The following GREB1 variants were observed in gnomAD, a reference collection of about 807,000 sequenced individuals.
GREB1 encodes the protein growth regulating estrogen receptor binding 1.
A neutral mutation model predicts 200.7 loss-of-function variants in GREB1; 106 were observed. That is an observed-to-expected ratio of 0.53 (90% CI 0.45 to 0.62). GREB1 has a LOEUF of 0.62. Among genes scored for constraint, GREB1 ranks in the 20% least tolerant of loss-of-function variants. GREB1 has a pLI of 0.00. For synonymous variants in GREB1, 1,132 were observed against 1,092.4 expected (o/e 1.04, Z -0.72); for missense variants, 2,243 against 2,556.8 (o/e 0.88, Z 2.65).
At chr2:11,525,672 G>T (rs1673849069) in intron 1 of GREB1, among the ~76,000 whole-genome samples, 1 of 152,114 alleles carries the variant, frequency 6.6e-6, no homozygotes, top group Non-Finnish European at 1.5e-5. Flanking sequence ...TAACTGCAGG[G>T]TGTAAGACAC....
chr2:11,591,314 G>A, intron 10 of GREB1: 1 of 718,740 alleles, frequency 1.4e-6, no homozygotes, highest in East Asian at 2.6e-5. Context: ...ATGGGAGATA[G>A]CTCAGGGCCG....
At chr2:11,488,791 C>A (rs1429436859) in intron 1 of GREB1, among the ~76,000 whole-genome samples, 61 of 82,706 alleles carry the variant, frequency 7.4e-4, no homozygotes, top group African/African-American at 2.5e-3. Flanking sequence ...AACTCCGTCT[C>A]AAAAAAAAAA....
At chr2:11,545,320 A>G (rs1675164164) in intron 1 of GREB1, among the ~76,000 whole-genome samples, 1 of 148,500 alleles carries the variant, frequency 6.7e-6, no homozygotes, top group African/African-American at 2.5e-5. Flanking sequence ...TTTAGCAGAG[A>G]CGGGTTGCAT....
rs754739294 is a variant in GREB1, at chr2:11,595,347, C to T, written c.1793C>T (p.Ser598Leu). ...NYELVTGKVDSLGAFFSTLCP... is the reference protein window; with the variant it reads ...NYELVTGKVDLLGAFFSTLCP... ...GAGCTGGTTACGGGGAAGGTAGACT[C>T]GCTGGGGGCCTTCTTTAGCACCCTC... Residue 598 changes from serine (S) to leucine (L), a missense_variant, in exon 12 of 33, where the codon TCG (serine) becomes TTG (leucine). This residue lies in a region of GREB1 where 1,178 missense variants were observed against 1,387.4 expected (regional missense o/e 0.85). Coordinates refer to ENST00000381486, the MANE Select transcript of GREB1 (RefSeq NM_014668.4). The T allele has an allele frequency of 9.3e-6, 15 of 1,613,734 alleles. No individual in the cohort carries two copies. Among genetic ancestry groups the T allele is most frequent in the Middle Eastern group, 1.6e-4 (1 of 6,076 alleles).
In GREB1 at chr2:11,633,133, A is replaced by G. The variant is rs565571435; in HGVS notation, c.4991+70A>G. ...TGACCAACGAGTGTGCCCTCTTTGTATGGGGAATGTGCCCACCCCTGGAAG... is the reference window on the plus strand; with the variant it reads ...TGACCAACGAGTGTGCCCTCTTTGTGTGGGGAATGTGCCCACCCCTGGAAG... On this transcript the variant is annotated intron_variant, in intron 28 of 32. Transcript: ENST00000381486. The surrounding 1 kb of genome is among the most constrained non-coding windows in gnomAD (Gnocchi z 4.1). 2.0e-6 allele frequency: 3 copies of G among 1,482,810 alleles called. No individual in the cohort carries two copies. The highest frequency in any genetic ancestry group is 1.7e-5 in the Admixed American group (1 of 59,448). The allele number at this position is 1,482,810 out of a possible 1,614,324, so 91.9% of individuals were successfully genotyped here. A position where few individuals can be genotyped will look rare whatever the true frequency, so the allele number is the denominator to read the frequency against.
At chr2:11,620,792 A>G (rs1683944187) in intron 22 of GREB1, 113 bp from the exon 23 acceptor site, 1 of 666,166 alleles carries the variant, frequency 1.5e-6, no homozygotes, top group Non-Finnish European at 2.7e-6. Flanking sequence ...CTCATTTTAA[A>G]GACAGGATCT....
At chr2:11,486,407 C>T (rs575841994) in intron 1 of GREB1, among the ~76,000 whole-genome samples, 1 of 152,314 alleles carries the variant, frequency 6.6e-6, no homozygotes, top group South Asian at 2.1e-4. Context: ...CCTCCTGTCT[C>T]ACTCTCCTAG....
At chr2:11,537,631 C>A (rs1674351607) in intron 1 of GREB1, among the ~76,000 whole-genome samples, 1 of 146,836 alleles carries the variant, frequency 6.8e-6, no homozygotes, top group Non-Finnish European at 1.5e-5. Flanking sequence ...ACTATTTTAA[C>A]ATGTTATAAG....
chr2:11,607,583 T>TAC (rs1394557054), intron 17 of GREB1, among the ~76,000 whole-genome samples: 1 of 55,442 alleles, frequency 1.8e-5, no homozygotes, highest in Admixed American at 2.6e-4. Context: ...TACACATATA[T>TAC]ACATATATAC....
rs59584807 is a variant in GREB1, at chr2:11,580,263, G to C, written c.773-441G>C. 5.6e-4 allele frequency among the ~76,000 whole-genome samples: 86 copies of C among 152,304 alleles called. No homozygotes were observed. The highest frequency in any genetic ancestry group is 1.9e-3 in the African/African-American group (80 of 41,560). ...GGACACAGCCAAACCGTATCAACCA[G>C]AGGTCTTGAGAGAGAAGGTAGAAGG... On this transcript the variant is annotated intron_variant, in intron 6 of 32. Transcript: ENST00000381486. This position sits in a 1 kb window ranked among gnomAD's most constrained non-coding sequence, Gnocchi z 4.5.
intron 1 of GREB1, chr2:11,542,918 G>A (rs1332615169): frequency 6.6e-6 from 1 of 152,374 alleles, no homozygotes; most frequent in Non-Finnish European, 1.5e-5. Flanking sequence ...AGCCGCAGAT[G>A]TGTTTATTTG....
chr2:11,508,926 G>A (rs907517970), intron 1 of GREB1, among the ~76,000 whole-genome samples: 1 of 147,920 alleles, frequency 6.8e-6, no homozygotes, highest in East Asian at 2.0e-4. Context: ...CCAGGCTGGA[G>A]TGCAGTGGCG....
intron 9 of GREB1, among the ~76,000 whole-genome samples, chr2:11,586,760 A>C (rs778896620): frequency 3.9e-5 from 6 of 152,230 alleles, no homozygotes; most frequent in Non-Finnish European, 8.8e-5. Context: ...TCTTTTTCCT[A>C]AAACACAAAA....
chr2:11,524,535 C>T (rs1016554461), intron 1 of GREB1, among the ~76,000 whole-genome samples: 34 of 152,210 alleles, frequency 2.2e-4, no homozygotes, highest in Non-Finnish European at 3.8e-4. Context: ...TAAAATAACA[C>T]TTTGATATTT....
chr2:11,633,974 G>A lies in GREB1; in HGVS notation c.4992-157G>A, dbSNP rs79748700. ...GCAGAAATGAGCGCCCGTGGGAAGCGCCCAGCAGGGTGCCTGGCCCTGGGG... is the reference window on the plus strand; with the variant it reads ...GCAGAAATGAGCGCCCGTGGGAAGCACCCAGCAGGGTGCCTGGCCCTGGGG... On this transcript the variant is annotated intron_variant, in intron 28 of 32. Transcript: ENST00000381486. This position sits in a 1 kb window ranked among gnomAD's most constrained non-coding sequence, Gnocchi z 4.1. Among the ~76,000 whole-genome samples the A allele has an allele frequency of 0.023, 3,573 of 152,314 alleles. 132 individuals carry two copies. Among genetic ancestry groups the A allele is most frequent in the African/African-American group, 0.077 (3,218 of 41,552 alleles).
chr2:11,595,149 G>A, intron 11 of GREB1, 102 bp from the exon 12 acceptor site: 1 of 1,059,128 alleles, frequency 9.4e-7, no homozygotes, highest in Admixed American at 2.2e-5. Flanking sequence ...GATTCCAGAT[G>A]GGAAATGTCA....
rs774303607 is a variant in GREB1, at chr2:11,640,480, G to T, written c.*26G>T. 1.2e-6 allele frequency: 2 copies of T among 1,612,652 alleles called. No individual in the cohort carries two copies. The highest frequency in any genetic ancestry group is 2.2e-5 in the East Asian group (1 of 44,858). On this transcript the variant is annotated 3_prime_UTR_variant, in exon 33 of 33. Coordinates refer to ENST00000381486, the MANE Select transcript of GREB1 (RefSeq NM_014668.4). This position sits in a 1 kb window ranked among gnomAD's most constrained non-coding sequence, Gnocchi z 4.6. ...GGAAGACAGCGGCGAGTTTTCTGAAGAGATGAGTGCTCAGAGCCCTCATGC... is the reference window on the plus strand; with the variant it reads ...GGAAGACAGCGGCGAGTTTTCTGAATAGATGAGTGCTCAGAGCCCTCATGC...
intron 27 of GREB1, among the ~76,000 whole-genome samples, chr2:11,632,335 CTTTTT>C (rs567209224): frequency 8.9e-6 from 1 of 112,184 alleles, no homozygotes; most frequent in Non-Finnish European, 1.8e-5. Flanking sequence ...TTCTTTCTCT[CTTTTT>C]TTTTTTTTTT....
Position 11,592,899 on chromosome 2 carries a change from C to T in GREB1, c.1469C>T (p.Pro490Leu). The change falls in exon 11 of 33, where the codon CCC becomes CTC. Residue 490 changes from proline (P) to leucine (L), a missense_variant. By Grantham distance (98) the Pro-to-Leu change is moderately conservative. This residue lies in a region of GREB1 where 1,178 missense variants were observed against 1,387.4 expected (regional missense o/e 0.85). Transcript: ENST00000381486. ...CCGCCGCAGCCCTTCCCGCCCGCGC[C>T]CAGCGCCGCGGCACCCGTGACCTCC... ...QAPPQPFPPAPSAAAPVTSAQ... is the reference protein window; with the variant it reads ...QAPPQPFPPALSAAAPVTSAQ... The T allele has an allele frequency of 6.3e-7, 1 of 1,594,140 alleles. No individual in the cohort carries two copies. The highest frequency in any genetic ancestry group is 1.7e-5 in the Admixed American group (1 of 57,522).
Sources: allele counts gnomAD v4.1 joint callset (sites outside exome capture counted in the v4.1 genomes callset), GRCh38; gene constraint gnomAD v4.1.1; regional missense constraint gnomAD v4.1.1; non-coding constraint Gnocchi (gnomAD v3.1); transcripts MANE v1.5; gene names NCBI Gene and HGNC (gene_info 2026-07-23, HGNC 2026-07-21).